Variants in TENM4 observed in about 807,000 individuals in gnomAD.
The protein encoded by TENM4 is teneurin-4.
In TENM4, 82 loss-of-function variants were observed where a neutral mutation model predicts 243.3. The ratio of observed to expected loss-of-function variants is 0.34; its 90% confidence interval spans 0.28 to 0.40. TENM4 has a LOEUF of 0.40. Ranked by LOEUF, TENM4 falls within the 10% of genes least tolerant of loss-of-function variation. The probability of loss-of-function intolerance (pLI) is 1.00; values close to 1 mark genes in which losing one functional copy is unlikely to be tolerated. For missense variants in TENM4, 3,138 were observed against 3,673.3 expected (o/e 0.85, Z 3.77); for synonymous variants, 1,412 against 1,456.3 (o/e 0.97, Z 0.69).
In TENM4 at chr11:79,133,339, C is replaced by T. The variant is rs116180919; in HGVS notation, c.-66+15371G>A. ...TCCTGAACAGACCAATAACAAGTAG[C>T]GAAACTGCAATGATAATTAAAAAAT... On this transcript the variant is annotated intron_variant, in intron 4 of 33. Transcript: ENST00000278550. Among the ~76,000 whole-genome samples the T allele has an allele frequency of 7.8e-3, 1,191 of 152,098 alleles. 16 individuals are homozygous for T. The highest frequency in any genetic ancestry group is 0.027 in the African/African-American group (1,136 of 41,506).
intron 6 of TENM4, among the ~76,000 whole-genome samples, chr11:78,933,415 T>C (rs1369684109): frequency 1.3e-5 from 2 of 152,298 alleles, no homozygotes; most frequent in East Asian, 3.9e-4. Flanking sequence ...TCTTCCTATA[T>C]CTACTTCATA....
At chr11:79,192,966 A>T (rs1863547810) in intron 3 of TENM4, 1 of 152,324 alleles carries the variant, frequency 6.6e-6, no homozygotes, top group South Asian at 2.1e-4. Context: ...CAGAAGATAC[A>T]GGAGTAGCTC....
chr11:78,977,261 A>G (rs764653371), intron 6 of TENM4, among the ~76,000 whole-genome samples: 10 of 150,756 alleles, frequency 6.6e-5, no homozygotes, highest in Non-Finnish European at 1.3e-4. Flanking sequence ...CTCTACTATG[A>G]CCTCATCTCA....
At chr11:78,826,076 CTTTTTTTTT>C (rs59565048) in intron 12 of TENM4, among the ~76,000 whole-genome samples, 7,239 of 115,266 alleles carry the variant, frequency 0.063, 641 homozygotes, top group African/African-American at 0.26. Flanking sequence ...AATCCCCCTC[CTTTTTTTTT>C]TTTTTTTTTT....
chr11:79,155,880 C>T (rs1004041988), intron 3 of TENM4, among the ~76,000 whole-genome samples: 1 of 151,850 alleles, frequency 6.6e-6, no homozygotes, highest in Non-Finnish European at 1.5e-5. Flanking sequence ...ATTCTGAAGC[C>T]TCCTGACTGG....
intron 4 of TENM4, among the ~76,000 whole-genome samples, chr11:79,130,353 C>G (rs559031565): frequency 6.6e-6 from 1 of 152,010 alleles, no homozygotes; most frequent in Non-Finnish European, 1.5e-5. Flanking sequence ...AAAAATCACA[C>G]GAGTTCACTA....
intron 4 of TENM4, among the ~76,000 whole-genome samples, chr11:79,079,989 G>GC (rs1264398293): frequency 6.6e-4 from 1 of 1,522 alleles, no homozygotes; most frequent in Non-Finnish European, 5.3e-3. Context: ...TACTACCTCA[G>GC]GGGGCTGAAA....
chr11:78,788,509 AC>A (rs1472917269), intron 15 of TENM4, among the ~76,000 whole-genome samples: 1 of 152,224 alleles, frequency 6.6e-6, no homozygotes, highest in Non-Finnish European at 1.5e-5. Context: ...TCACTGAGCT[AC>A]GGTTCCTGTC....
intron 3 of TENM4, among the ~76,000 whole-genome samples, chr11:79,185,309 TACAACA>T (rs368899635): frequency 4.0e-5 from 6 of 150,894 alleles, no homozygotes; most frequent in Non-Finnish European, 8.9e-5. Flanking sequence ...CACAAAAAAC[TACAACA>T]ACAACAACAA....
At chr11:78,972,930 A>G (rs1233063213) in intron 6 of TENM4, among the ~76,000 whole-genome samples, 2 of 152,206 alleles carry the variant, frequency 1.3e-5, no homozygotes, top group Non-Finnish European at 2.9e-5. Context: ...GGGATCATAT[A>G]ATATGTGCTC....
intron 6 of TENM4, among the ~76,000 whole-genome samples, chr11:78,946,292 C>T (rs1414509949): frequency 1.3e-5 from 2 of 152,206 alleles, no homozygotes; most frequent in Non-Finnish European, 2.9e-5. Flanking sequence ...GCTAAATCTA[C>T]TCTGCCTGTG....
chr11:79,315,510 G>T (rs1856788743), intron 1 of TENM4, among the ~76,000 whole-genome samples: 1 of 152,330 alleles, frequency 6.6e-6, no homozygotes, highest in Non-Finnish European at 1.5e-5. Flanking sequence ...GCAGGCACAG[G>T]TTTGCCTCCT....
rs540483766 is a variant in TENM4, at chr11:79,435,265, G to A, written c.-321+5244C>T. On this transcript the variant is annotated intron_variant, in intron 1 of 33. Coordinates refer to ENST00000278550, the MANE Select transcript of TENM4 (RefSeq NM_001098816.3). Reference sequence around the variant, plus strand: ...AAAAAAGTAATAAATATATAACCCCGGAAGCAATAGGCACATATATCTACA... The same window carrying A: ...AAAAAAGTAATAAATATATAACCCCAGAAGCAATAGGCACATATATCTACA... Among the ~76,000 whole-genome samples the A allele has an allele frequency of 3.9e-5, 6 of 152,168 alleles. No individual in the cohort carries two copies. In the South Asian group the frequency reaches 8.3e-4, roughly 21 times the overall value.
chr11:78,971,612 A>AT (rs1182918226), intron 6 of TENM4, among the ~76,000 whole-genome samples: 11 of 152,076 alleles, frequency 7.2e-5, no homozygotes, highest in Non-Finnish European at 1.3e-4. Context: ...CTTAAATAAG[A>AT]TTTTTTATAC....
intron 15 of TENM4, among the ~76,000 whole-genome samples, chr11:78,790,029 A>C (rs957124251): frequency 3.3e-5 from 5 of 152,152 alleles, no homozygotes; most frequent in African/African-American, 9.7e-5. Context: ...CAATCAATTC[A>C]TACTAATTCA....
chr11:79,385,117 G>C (rs952528138), intron 1 of TENM4, among the ~76,000 whole-genome samples: 7 of 152,086 alleles, frequency 4.6e-5, no homozygotes, highest in Non-Finnish European at 5.9e-5. Context: ...AGTTCCATGA[G>C]AGTGAATTAA....
At chr11:79,230,395 C>T (rs1283870016) in intron 2 of TENM4, among the ~76,000 whole-genome samples, 2 of 152,154 alleles carry the variant, frequency 1.3e-5, no homozygotes, top group African/African-American at 2.4e-5. Context: ...CGATCTTGAA[C>T]ACTGCCCCTG....
chr11:78,825,500 A>G (rs1857830413), intron 12 of TENM4, among the ~76,000 whole-genome samples: 1 of 152,146 alleles, frequency 6.6e-6, no homozygotes, highest in Admixed American at 6.5e-5. Context: ...TGGTGATGAT[A>G]ATATCCTTGG....
At chr11:79,397,305 C>T (rs924122358) in intron 1 of TENM4, among the ~76,000 whole-genome samples, 2 of 152,108 alleles carry the variant, frequency 1.3e-5, no homozygotes, top group Non-Finnish European at 2.9e-5. Context: ...CTGTTATTAA[C>T]ATCCCCATTT....
Sources: gnomAD v4.1 joint callset for allele counts (sites outside exome capture counted in the v4.1 genomes callset) on GRCh38, gnomAD v4.1.1 for gene constraint, MANE v1.5 for transcripts, NCBI Gene and HGNC (gene_info 2026-07-23, HGNC 2026-07-21) for gene names.